Variants in IPCEF1 observed in about 807,000 individuals in gnomAD.
The protein encoded by IPCEF1 is interaction protein for cytohesin exchange factors 1, also known as interactor protein for cytohesin exchange factors 1.
In IPCEF1, 31 loss-of-function variants were observed where a neutral mutation model predicts 50.9. The observed-to-expected ratio is 0.61, with a 90% CI of 0.46 to 0.82. The LOEUF is 0.82. IPCEF1 is among the 40% of genes least tolerant of loss of function. IPCEF1 has a pLI of 0.00. For synonymous variants in IPCEF1, 181 were observed against 192.0 expected, an observed-to-expected ratio of 0.94 and a Z score of 0.47; for missense variants, 458 against 514.0, an observed-to-expected ratio of 0.89 and a Z score of 1.05.
At chr6:154,282,408 C>A (rs1316895967) in intron 2 of IPCEF1, among the ~76,000 whole-genome samples, 2 of 152,068 alleles carry the variant, frequency 1.3e-5, no homozygotes, top group South Asian at 2.1e-4. Flanking sequence ...TCAGGCAGGG[C>A]GCGGTGGCTC....
At chr6:154,247,038 T>C in intron 4 of IPCEF1, 2 of 424,014 alleles carry the variant, frequency 4.7e-6, no homozygotes, top group Non-Finnish European at 8.3e-6. Context: ...GCAGGAGTAA[T>C]ATGCAAGTAT....
At chr6:154,326,682 A>G (rs1003260217) in intron 1 of IPCEF1, among the ~76,000 whole-genome samples, 20 of 152,200 alleles carry the variant, frequency 1.3e-4, no homozygotes, top group African/African-American at 4.3e-4. Flanking sequence ...TTAAACTACC[A>G]TTGACATTCT....
At chr6:154,256,342 C>T (rs1233819377) in intron 3 of IPCEF1, among the ~76,000 whole-genome samples, 1 of 152,112 alleles carries the variant, frequency 6.6e-6, no homozygotes, top group Non-Finnish European at 1.5e-5. Flanking sequence ...AAAGGTTCCG[C>T]CTCCTAAAAT....
intron 3 of IPCEF1, among the ~76,000 whole-genome samples, chr6:154,256,513 C>A (rs935636836): frequency 6.6e-6 from 1 of 151,688 alleles, no homozygotes; most frequent in Non-Finnish European, 1.5e-5. Flanking sequence ...ATATGGCATT[C>A]TTTCTCTCTG....
intron 3 of IPCEF1, among the ~76,000 whole-genome samples, chr6:154,262,824 T>G (rs796105204): frequency 1.6e-4 from 22 of 139,584 alleles, no homozygotes; most frequent in African/African-American, 5.7e-4. Flanking sequence ...GTCACCAGGC[T>G]GGAGTGCAGT....
chr6:154,158,118 A>C lies in IPCEF1; in HGVS notation c.*1710T>G, dbSNP rs1798787370. Reference sequence around the variant, plus strand: ...TTGTTTGTTTGTTTACAGAGTATTAAGGCTTCTTAGTAAAGCTTGGGGAAC... The same window carrying C: ...TTGTTTGTTTGTTTACAGAGTATTACGGCTTCTTAGTAAAGCTTGGGGAAC... On this transcript the variant is annotated 3_prime_UTR_variant, in exon 12 of 12. Transcript: ENST00000367220. 6.6e-6 allele frequency: 1 copy of C among 152,218 alleles called. No homozygotes were observed. The highest frequency in any genetic ancestry group is 6.5e-5 in the Admixed American group (1 of 15,290). 9.4% of individuals were successfully genotyped at this position (152,218 alleles called of 1,614,324 possible). A position where few individuals can be genotyped will look rare whatever the true frequency, so the allele number is the denominator to read the frequency against.
chr6:154,276,334 T>TAA (rs1562576093), intron 2 of IPCEF1, among the ~76,000 whole-genome samples: 1 of 151,520 alleles, frequency 6.6e-6, no homozygotes, highest in Non-Finnish European at 1.5e-5. Flanking sequence ...AAGGAGGAAA[T>TAA]AAAAGATCAT....
chr6:154,256,585 G>C (rs6908885), intron 3 of IPCEF1, among the ~76,000 whole-genome samples: 64,010 of 149,278 alleles, frequency 0.43, 14,192 homozygotes, highest in Admixed American at 0.57. Flanking sequence ...GTGTGTGTGT[G>C]TCTCTCTCAC....
At position 154,347,112 on chromosome 6, in the gene IPCEF1, C is replaced by T. The variant is rs143897783; in HGVS notation, c.-62+9560G>A. Among the ~76,000 whole-genome samples, 429 of 152,300 alleles carry T rather than the reference C, an allele frequency of 2.8e-3. 1 individual carries two copies. Among genetic ancestry groups the T allele is most frequent in the African/African-American group, 0.01 (417 of 41,558 alleles). On this transcript the variant is annotated intron_variant, in intron 1 of 11. Coordinates refer to ENST00000367220, the MANE Select transcript of IPCEF1 (RefSeq NM_001130700.2). ...TAAAATCATTATTCACCCAAACAGG[C>T]TTCCTCTGGCCTCTCTGGGGTTGGA...
intron 1 of IPCEF1, among the ~76,000 whole-genome samples, chr6:154,315,778 A>G (rs1783199978): frequency 6.6e-6 from 1 of 152,148 alleles, no homozygotes; most frequent in Non-Finnish European, 1.5e-5. Flanking sequence ...TGGGAAATTG[A>G]TGAAAATCTA....
At chr6:154,274,403 A>C (rs1284235435) in intron 2 of IPCEF1, among the ~76,000 whole-genome samples, 1 of 152,204 alleles carries the variant, frequency 6.6e-6, no homozygotes, top group East Asian at 1.9e-4. Flanking sequence ...CTGACAATCA[A>C]GGCTCAGACA....
At chr6:154,298,962 C>CA (rs35478569) in intron 1 of IPCEF1, among the ~76,000 whole-genome samples, 12,409 of 94,266 alleles carry the variant, frequency 0.13, 1,906 homozygotes, top group Middle Eastern at 0.2. Flanking sequence ...AACTCCATCT[C>CA]AAAAAAAAAA....
At chr6:154,350,042 A>G (rs1179359607) in intron 1 of IPCEF1, among the ~76,000 whole-genome samples, 4 of 152,170 alleles carry the variant, frequency 2.6e-5, no homozygotes, top group Non-Finnish European at 5.9e-5. Context: ...ATATGCTTGA[A>G]ATCCTGGCTA....
chr6:154,270,460 A>T (rs1311294574), intron 2 of IPCEF1, among the ~76,000 whole-genome samples: 1 of 152,204 alleles, frequency 6.6e-6, no homozygotes, highest in Admixed American at 6.5e-5. Context: ...ATTCATGTGT[A>T]TGTTGCATAA....
chr6:154,249,175 A>G (rs1210613841), intron 3 of IPCEF1, among the ~76,000 whole-genome samples: 2 of 152,188 alleles, frequency 1.3e-5, no homozygotes, highest in East Asian at 3.9e-4. Flanking sequence ...AGTTATCATG[A>G]AAAGGACCTA....
intron 10 of IPCEF1, among the ~76,000 whole-genome samples, chr6:154,195,791 A>ATT (rs34769762): frequency 6.1e-5 from 8 of 130,562 alleles, no homozygotes; most frequent in African/African-American, 1.5e-4. Flanking sequence ...CTTGTTCACA[A>ATT]TTTTTTTTTT....
At chr6:154,330,138 A>C (rs957266273) in intron 1 of IPCEF1, 2 of 152,176 alleles carry the variant, frequency 1.3e-5, no homozygotes, top group Non-Finnish European at 2.9e-5. Context: ...TTATAAGGAT[A>C]ATCTTCTCGG....
intron 6 of IPCEF1, 173 bp downstream of exon 6, chr6:154,222,997 A>G: frequency 1.6e-6 from 1 of 616,464 alleles, no homozygotes; most frequent in South Asian, 1.9e-5. Context: ...ATTCCAGAAA[A>G]TGAGAGGTTA....
intron 2 of IPCEF1, among the ~76,000 whole-genome samples, chr6:154,279,866 C>T (rs1782163082): frequency 1.3e-5 from 2 of 152,130 alleles, no homozygotes; most frequent in African/African-American, 4.8e-5. Flanking sequence ...ACTTACTAGG[C>T]CTTTGACAAA....
Sources: allele counts gnomAD v4.1 joint callset (sites outside exome capture counted in the v4.1 genomes callset), GRCh38; gene constraint gnomAD v4.1.1; transcripts MANE v1.5; gene names NCBI Gene and HGNC (gene_info 2026-07-23, HGNC 2026-07-21).